SYNDIG1L: variants seen among roughly 807,000 people sequenced by gnomAD.
SYNDIG1L encodes synapse differentiation inducing 1 like, also known as synapse differentiation-inducing gene protein 1-like.
A neutral mutation model predicts 20.1 loss-of-function variants in SYNDIG1L; 13 were observed. That is an observed-to-expected ratio of 0.65 (90% CI 0.42 to 1.03). The LOEUF is 1.03. SYNDIG1L is among the 50% of genes least tolerant of loss of function. The pLI is 0.00. For synonymous variants in SYNDIG1L, 128 were observed against 129.3 expected, an observed-to-expected ratio of 0.99 and a Z score of 0.07; for missense variants, 294 against 305.1, an observed-to-expected ratio of 0.96 and a Z score of 0.27.
At chr14:74,441,643 C>G in the SYNDIG1L span, among the ~76,000 whole-genome samples, 6 of 152,202 alleles carry the variant, frequency 3.9e-5, no homozygotes, top group East Asian at 1.2e-3. Flanking sequence ...GTACCTAGGA[C>G]TACAGGTGAG....
the SYNDIG1L span, among the ~76,000 whole-genome samples, chr14:74,443,928 A>C: frequency 6.6e-6 from 1 of 152,214 alleles, no homozygotes; most frequent in South Asian, 2.1e-4. Flanking sequence ...CATTTCATGA[A>C]GCATTCATCA....
intron 1 of SYNDIG1L, among the ~76,000 whole-genome samples, chr14:74,414,440 G>T (rs1440308008): frequency 1.3e-5 from 2 of 152,166 alleles, no homozygotes; most frequent in Non-Finnish European, 2.9e-5. Context: ...TGAGAACTTA[G>T]CTGGGCCCGA....
chr14:74,448,777 A>G, the SYNDIG1L span, among the ~76,000 whole-genome samples: 2 of 152,330 alleles, frequency 1.3e-5, no homozygotes, highest in East Asian at 3.9e-4. Flanking sequence ...AAACTAAACA[A>G]TACACTTCTA....
chr14:74,460,403 G>A, the SYNDIG1L span, among the ~76,000 whole-genome samples: 2 of 152,066 alleles, frequency 1.3e-5, 1 homozygote, highest in South Asian at 4.2e-4. Flanking sequence ...TCTACTGTAG[G>A]CCCCCATTCC....
At chr14:74,449,449 A>AAAAAAG in the SYNDIG1L span, among the ~76,000 whole-genome samples, 1 of 139,164 alleles carries the variant, frequency 7.2e-6, no homozygotes, top group Non-Finnish European at 1.6e-5. Flanking sequence ...AAAAAAAAAA[A>AAAAAAG]AAAAAAAAAA....
chr14:74,465,182 T>G, the SYNDIG1L span, among the ~76,000 whole-genome samples: 2 of 152,192 alleles, frequency 1.3e-5, no homozygotes, highest in Non-Finnish European at 2.9e-5. Flanking sequence ...GTGGTGCTGA[T>G]GAGGTGCTGA....
the SYNDIG1L span, among the ~76,000 whole-genome samples, chr14:74,467,156 G>A: frequency 1.3e-5 from 2 of 152,016 alleles, no homozygotes; most frequent in African/African-American, 2.4e-5. Context: ...TAGTAGAGAC[G>A]GGGTCTTGCT....
the SYNDIG1L span, among the ~76,000 whole-genome samples, chr14:74,470,269 GC>G: frequency 6.6e-6 from 1 of 152,008 alleles, no homozygotes; most frequent in Non-Finnish European, 1.5e-5. Context: ...GTGCAGCCTG[GC>G]CCCTGCTTCC....
the SYNDIG1L span, among the ~76,000 whole-genome samples, chr14:74,473,809 G>T: frequency 6.6e-6 from 1 of 152,212 alleles, no homozygotes; most frequent in African/African-American, 2.4e-5. Flanking sequence ...ACTTCATGAT[G>T]ATCAGGATGA....
the SYNDIG1L span, among the ~76,000 whole-genome samples, chr14:74,432,180 T>TGA: frequency 8.7e-3 from 1,085 of 124,048 alleles, 20 homozygotes; most frequent in Middle Eastern, 0.034. Context: ...TGTGTGTGTG[T>TGA]GAGAGAGAGA....
At chr14:74,419,046 A>AT (rs1293523514) in intron 1 of SYNDIG1L, among the ~76,000 whole-genome samples, 1 of 152,176 alleles carries the variant, frequency 6.6e-6, no homozygotes, top group Non-Finnish European at 1.5e-5. Context: ...CCCCAGTGCC[A>AT]TTCCCCCTTT....
At chr14:74,448,891 A>G in the SYNDIG1L span, among the ~76,000 whole-genome samples, 1 of 152,158 alleles carries the variant, frequency 6.6e-6, no homozygotes, top group East Asian at 1.9e-4. Context: ...CAACATAGTG[A>G]GACCTTGTTG....
chr14:74,476,406 A>G, the SYNDIG1L span: 2 of 861,136 alleles, frequency 2.3e-6, no homozygotes, highest in Non-Finnish European at 3.8e-6. Flanking sequence ...TCTGGGACAT[A>G]TGATTTGTGG....
intron 1 of SYNDIG1L, among the ~76,000 whole-genome samples, chr14:74,423,250 C>A (rs1005832363): frequency 6.6e-6 from 1 of 152,196 alleles, no homozygotes; most frequent in African/African-American, 2.4e-5. Context: ...ACCAGAGATG[C>A]CCTGCACCCT....
chr14:74,477,521 T>TA, the SYNDIG1L span, among the ~76,000 whole-genome samples: 4,415 of 144,828 alleles, frequency 0.03, 195 homozygotes, highest in African/African-American at 0.1. Context: ...GACTTTGTGT[T>TA]AAAAAAAAAA....
chr14:74,467,377 G>C, the SYNDIG1L span, among the ~76,000 whole-genome samples: 6 of 152,094 alleles, frequency 3.9e-5, no homozygotes, highest in African/African-American at 1.4e-4. Context: ...GCTGAGAAGG[G>C]GCAATGTCCA....
chr14:74,414,345 T>C (rs1413008239), intron 1 of SYNDIG1L, among the ~76,000 whole-genome samples: 3 of 152,186 alleles, frequency 2.0e-5, no homozygotes, highest in African/African-American at 7.2e-5. Flanking sequence ...ATTGTGCAGC[T>C]GGGGCTGTGG....
At position 74,409,531 on chromosome 14, in the gene SYNDIG1L, A is replaced by G; in HGVS notation, c.214T>C (p.Cys72Arg). The change falls in exon 2 of 4, where the codon TGC (cysteine) becomes CGC (arginine). Residue 72 changes from cysteine (C) to arginine (R), a missense_variant. Coordinates refer to ENST00000331628, the MANE Select transcript of SYNDIG1L (RefSeq NM_001105579.2). ...LAVEAWYRPS[C>R]LLGRDKVKEP... ...TTGACCTTGTCTCTCCCCAGGAGGC[A>G]GCTGGGCCGGTACCAGGCCTCCACG... 1 of 1,586,520 alleles carries G rather than the reference A, an allele frequency of 6.3e-7. No homozygotes were observed. The highest frequency in any genetic ancestry group is 8.6e-7 in the Non-Finnish European group (1 of 1,166,286).
chr14:74,477,454 C>T, the SYNDIG1L span, among the ~76,000 whole-genome samples: 6 of 152,090 alleles, frequency 3.9e-5, no homozygotes, highest in Non-Finnish European at 8.8e-5. Flanking sequence ...AGAGAACAAG[C>T]TGTTTTTATC....
Sources: gnomAD v4.1 joint callset for allele counts (sites outside exome capture counted in the v4.1 genomes callset) on GRCh38, gnomAD v4.1.1 for gene constraint, MANE v1.5 for transcripts, NCBI Gene and HGNC (gene_info 2026-07-23, HGNC 2026-07-21) for gene names.